Variants in CFAP46 observed in about 807,000 individuals in gnomAD.
CFAP46 encodes cilia and flagella associated protein 46.
In CFAP46, 245 loss-of-function variants were observed where a neutral mutation model predicts 325.7. That is an observed-to-expected ratio of 0.75 (90% CI 0.68 to 0.84). CFAP46 has a LOEUF of 0.84. Ranked by LOEUF, CFAP46 falls within the 40% of genes least tolerant of loss-of-function variation. CFAP46 has a pLI of 0.00. For synonymous variants in CFAP46, 1,523 were observed against 1,495.9 expected (o/e 1.02, Z -0.42); for missense variants, 3,346 against 3,543.0 (o/e 0.94, Z 1.41).
intron 17 of CFAP46, among the ~76,000 whole-genome samples, chr10:132,913,557 A>G (rs536406819): frequency 5.9e-5 from 9 of 152,212 alleles, no homozygotes; most frequent in African/African-American, 2.2e-4. Context: ...TGAACACCTG[A>G]TGATCTGAGG....
intron 24 of CFAP46, among the ~76,000 whole-genome samples, chr10:132,893,391 T>A (rs1014910368): frequency 6.6e-6 from 1 of 152,096 alleles, no homozygotes. Flanking sequence ...TGCACTGGGG[T>A]GGAGCCACAG....
At chr10:132,861,820 C>T (rs143163320) in intron 35 of CFAP46, among the ~76,000 whole-genome samples, 188 of 152,324 alleles carry the variant, frequency 1.2e-3, no homozygotes, top group African/African-American at 4.4e-3. Context: ...CCTGGGCAGG[C>T]CCCTCCCAGG....
chr10:132,894,487 CA>C (rs1224900550), intron 24 of CFAP46, among the ~76,000 whole-genome samples: 1 of 150,986 alleles, frequency 6.6e-6, no homozygotes, highest in Non-Finnish European at 1.5e-5. Flanking sequence ...AGAGCACAGA[CA>C]AAAATAGATA....
chr10:132,850,290 T>G lies in CFAP46; in HGVS notation c.5906A>C (p.Gln1969Pro), dbSNP rs1023597646. Residue 1969 changes from glutamine to proline, a missense_variant, in exon 41 of 58, where the codon CAA becomes CCA. Gln to Pro is a moderately conservative substitution (Grantham distance 76). Transcript: ENST00000368586. ...AGRALHLLAM[Q>P]ADPVHPTCYW... ...GCAGGTAGGGTGCACAGGGTCAGCT[T>G]GCATGGCCAGCAGGTGCAGGGCCCT... 6.4e-7 allele frequency: 1 copy of G among 1,550,904 alleles called. No homozygotes were observed. Among genetic ancestry groups the G allele is most frequent in the Non-Finnish European group, 8.7e-7 (1 of 1,147,088 alleles).
chr10:132,820,928 T>G (rs1197625511), intron 50 of CFAP46, among the ~76,000 whole-genome samples: 1 of 121,062 alleles, frequency 8.3e-6, no homozygotes, highest in Non-Finnish European at 1.7e-5. Context: ...ATGTGTGCTG[T>G]GTGTGCGCTG....
chr10:132,923,904 A>G (rs1339341181), intron 11 of CFAP46, among the ~76,000 whole-genome samples: 1 of 152,170 alleles, frequency 6.6e-6, no homozygotes. Flanking sequence ...CAAGAAGCCA[A>G]TAGAGAAAAC....
rs758202071 is a variant in CFAP46, at chr10:132,859,112, C to A, written c.5334G>T (p.Glu1778Asp). ...ERKFIDCGCKENCVDVKLERA... is the reference protein window; with the variant it reads ...ERKFIDCGCKDNCVDVKLERA... ...GCTCTAGTTTTACGTCAACACAATT[C>A]TCTTTGCAGCCACAGTCGATAAACT... Residue 1778 changes from glutamate (E) to aspartate (D), a missense_variant, in exon 38 of 58, where the codon GAG becomes GAT. Physicochemically the swap from Glu to Asp is conservative, Grantham distance 45. Transcript: ENST00000368586. The A allele has an allele frequency of 1.0e-5, 16 of 1,550,838 alleles. No individual in the cohort carries two copies. Among genetic ancestry groups the A allele is most frequent in the Non-Finnish European group, 1.3e-5 (15 of 1,147,086 alleles).
At chr10:132,927,288 C>G (rs1451814908) in intron 9 of CFAP46, among the ~76,000 whole-genome samples, 1 of 152,234 alleles carries the variant, frequency 6.6e-6, no homozygotes, top group Non-Finnish European at 1.5e-5. Flanking sequence ...TCACAACTAT[C>G]AGACACAGAC....
chr10:132,815,040 A>G lies in CFAP46; in HGVS notation c.7118-126T>C. 6 of 877,756 alleles carry G rather than the reference A, an allele frequency of 6.8e-6. No individual in the cohort carries two copies. In the South Asian group the frequency reaches 9.4e-5, roughly 14 times the overall value. 54.4% of individuals were successfully genotyped at this position (877,756 alleles called of 1,614,324 possible). A position where few individuals can be genotyped will look rare whatever the true frequency, so the allele number is the denominator to read the frequency against. The stretch of plus-strand genomic sequence containing the variant: ...ATGAAAAAAAAAACAAGTTGTGAGA[A>G]CAAGCGGTTTTAATTTGTGTAAAGT... On this transcript the variant is annotated intron_variant, in intron 50 of 57. Coordinates refer to ENST00000368586, the MANE Select transcript of CFAP46 (RefSeq NM_001200049.3).
chr10:132,916,224 C>T (rs114851790), intron 17 of CFAP46, among the ~76,000 whole-genome samples: 2,740 of 152,302 alleles, frequency 0.018, 41 homozygotes, highest in South Asian at 0.066. Flanking sequence ...CTGCCTTTCA[C>T]GCATCATCAG....
At chr10:132,875,344 G>A (rs1448072711) in intron 31 of CFAP46, among the ~76,000 whole-genome samples, 1 of 152,228 alleles carries the variant, frequency 6.6e-6, no homozygotes, top group Admixed American at 6.5e-5. Context: ...TCAATGCAAT[G>A]TCAGTAAAAA....
intron 35 of CFAP46, among the ~76,000 whole-genome samples, chr10:132,863,092 T>A (rs1328927511): frequency 6.6e-6 from 1 of 152,090 alleles, no homozygotes; most frequent in Non-Finnish European, 1.5e-5. Context: ...CCAGCACCCA[T>A]CACGTCTGTC....
chr10:132,834,109 G>T lies in CFAP46; in HGVS notation c.6881C>A (p.Ala2294Glu). ...CGACTTCCCTGAATCGGCAACAACC[G>T]CAGGTGTCTGCACTCTGAAAGTCAG... ...SLSKARVQTP[A>E]VVADSGKSKG... Residue 2294 changes from alanine to glutamate, a missense_variant, in exon 49 of 58, where the codon GCG (alanine) becomes GAG (glutamate). Physicochemically the swap from Ala to Glu is moderately radical, Grantham distance 107 (BLOSUM62 -1). Transcript: ENST00000368586. The T allele has an allele frequency of 1.2e-6, 2 of 1,613,986 alleles. No individual in the cohort carries two copies. The highest frequency in any genetic ancestry group is 8.5e-7 in the Non-Finnish European group (1 of 1,179,936).
At position 132,832,490 on chromosome 10, in the gene CFAP46, G is replaced by A; in HGVS notation, c.7117+868C>T. 3.4e-6 allele frequency: 1 copy of A among 297,562 alleles called. No individual in the cohort carries two copies. Among genetic ancestry groups the A allele is most frequent in the Non-Finnish European group, 6.7e-6 (1 of 149,074 alleles). The allele number at this position is 297,562 out of a possible 1,614,324, so 18.4% of individuals were successfully genotyped here. Reference sequence around the variant, plus strand: ...AACCCCCTTCGAGGCCCCCCGTCCTGCGCGGACTGCTCGTCAATGTTTGAA... The same window carrying A: ...AACCCCCTTCGAGGCCCCCCGTCCTACGCGGACTGCTCGTCAATGTTTGAA... On this transcript the variant is annotated intron_variant, in intron 50 of 57. Transcript: ENST00000368586. This position sits in a 1 kb window ranked among gnomAD's most constrained non-coding sequence, Gnocchi z 4.1.
At chr10:132,880,775 C>A in intron 28 of CFAP46, 86 bp downstream of exon 28, 5 of 1,455,376 alleles carry the variant, frequency 3.4e-6, no homozygotes, top group Non-Finnish European at 4.6e-6. Flanking sequence ...CACATGGATA[C>A]CCAACGGCGG....
rs566979172 is a variant in CFAP46, at chr10:132,872,720, G to A, written c.4467C>T (p.Asp1489=). ...ACAGGCCCTTGCTTCCCACCACGGAGTCCGAAATCAGCACCCCCAACTGCA... is the reference window on the plus strand; with the variant it reads ...ACAGGCCCTTGCTTCCCACCACGGAATCCGAAATCAGCACCCCCAACTGCA... ...PVLQLGVLIS[D]SVVGSKGLSD... The change falls in exon 32 of 58, where the codon GAC becomes GAT. Residue 1489 remains aspartate (D), a synonymous_variant. Transcript: ENST00000368586. 2 of 1,550,774 alleles carry A rather than the reference G, an allele frequency of 1.3e-6. No homozygotes were observed. The highest frequency in any genetic ancestry group is 1.2e-5 in the South Asian group (1 of 84,064).
At chr10:132,915,001 T>C (rs1389401195) in intron 17 of CFAP46, among the ~76,000 whole-genome samples, 1 of 152,250 alleles carries the variant, frequency 6.6e-6, no homozygotes, top group East Asian at 1.9e-4. Flanking sequence ...CAGTCAGCCC[T>C]CACTCAGCCG....
At chr10:132,940,664 G>A (rs1341118386) in intron 4 of CFAP46, among the ~76,000 whole-genome samples, 4 of 151,776 alleles carry the variant, frequency 2.6e-5, no homozygotes, top group African/African-American at 4.8e-5. Flanking sequence ...TGCAACCTCC[G>A]CCTCCCGAGT....
Position 132,899,081 on chromosome 10 carries a change from C to G in CFAP46, c.3097G>C (p.Ala1033Pro). 1 of 1,549,742 alleles carries G rather than the reference C, an allele frequency of 6.5e-7. No homozygotes were observed. The highest frequency in any genetic ancestry group is 8.7e-7 in the Non-Finnish European group (1 of 1,146,606). ...IAGSSALVML[A>P]ARHYWNAWLP... Reference sequence around the variant, plus strand: ...CAGGCGTTCCAGTAATGCCGCGCGGCCAGCATCACCAGGGCGCTGCTGCCC... The same window carrying G: ...CAGGCGTTCCAGTAATGCCGCGCGGGCAGCATCACCAGGGCGCTGCTGCCC... The change falls in exon 24 of 58, where the codon GCC becomes CCC. Residue 1033 changes from alanine (A) to proline (P), a missense_variant. Physicochemically the swap from Ala to Pro is conservative, Grantham distance 27. Coordinates refer to ENST00000368586, the MANE Select transcript of CFAP46 (RefSeq NM_001200049.3).
Sources: gnomAD v4.1 joint callset for allele counts (sites outside exome capture counted in the v4.1 genomes callset) on GRCh38, gnomAD v4.1.1 for gene constraint, Gnocchi (gnomAD v3.1) non-coding constraint, MANE v1.5 for transcripts, NCBI Gene and HGNC (gene_info 2026-07-23, HGNC 2026-07-21) for gene names.